Variants in CNOT1 observed in about 807,000 individuals in gnomAD.
CNOT1 encodes CCR4-associated factor 1.
A neutral mutation model predicts 273.8 loss-of-function variants in CNOT1; 15 were observed. That is an observed-to-expected ratio of 0.05 (90% CI 0.04 to 0.08). The LOEUF (loss-of-function observed/expected upper bound fraction) is 0.08. CNOT1 is among the 10% of genes least tolerant of loss of function. The pLI is 1.00. For synonymous variants in CNOT1, 1,022 were observed against 1,005.5 expected (o/e 1.02, Z -0.31); for missense variants, 1,644 against 2,912.2 (o/e 0.56, Z 10.02).
In CNOT1 at chr16:58,546,789, C is replaced by T. The variant is rs757567301; in HGVS notation, c.3751-40G>A. 1.7e-5 allele frequency: 28 copies of T among 1,611,634 alleles called. No homozygotes were observed. In the Admixed American group the frequency reaches 3.8e-4, roughly 22 times the overall value. ...TTATGTTAAGCTGGCCCAAAATGTGCCCTTTAATTTGGATTATTTAAAACA... is the reference window on the plus strand; with the variant it reads ...TTATGTTAAGCTGGCCCAAAATGTGTCCTTTAATTTGGATTATTTAAAACA... On this transcript the variant is annotated intron_variant, in intron 27 of 48. Transcript: ENST00000317147.
Position 58,626,103 on chromosome 16 carries a change from T to C in CNOT1, c.-175+3625A>G, listed in dbSNP as rs1034171817. Among the ~76,000 whole-genome samples the C allele has an allele frequency of 2.0e-5, 3 of 152,146 alleles. No individual in the cohort carries two copies. The East Asian group carries it at 5.8e-4, about 29-fold the overall frequency. On this transcript the variant is annotated intron_variant, in intron 1 of 48. Coordinates refer to ENST00000317147, the MANE Select transcript of CNOT1 (RefSeq NM_016284.5). ...TATATGACTTGAAAGTCTTTTCTTT[T>C]ATAAAAGTATATACCAAGTTCAGGC... is the stretch of plus-strand genomic sequence containing the variant.
intron 1 of CNOT1, among the ~76,000 whole-genome samples, chr16:58,624,254 ACTG>A (rs1242681593): frequency 6.6e-6 from 1 of 152,182 alleles, no homozygotes; most frequent in African/African-American, 2.4e-5. Flanking sequence ...TGTGGTGTCC[ACTG>A]CTGAATAGCT....
intron 3 of CNOT1, 107 bp downstream of exon 3, chr16:58,588,691 AT>A (rs869086675): frequency 1.5e-6 from 2 of 1,310,850 alleles, no homozygotes; most frequent in East Asian, 2.6e-5. Context: ...TCCAGCTACA[AT>A]CACTTCCGGA....
At chr16:58,618,625 T>C (rs1215024070) in intron 1 of CNOT1, among the ~76,000 whole-genome samples, 1 of 148,910 alleles carries the variant, frequency 6.7e-6, no homozygotes, top group Non-Finnish European at 1.5e-5. Context: ...CACTCCAGCC[T>C]GGGCGACACA....
At chr16:58,619,990 T>A (rs953504650) in intron 1 of CNOT1, among the ~76,000 whole-genome samples, 1 of 152,114 alleles carries the variant, frequency 6.6e-6, no homozygotes, top group African/African-American at 2.4e-5. Context: ...ACCTACATAA[T>A]GAACCACCAC....
intron 1 of CNOT1, among the ~76,000 whole-genome samples, chr16:58,610,913 T>G (rs2042875584): frequency 6.6e-6 from 1 of 152,006 alleles, no homozygotes; most frequent in African/African-American, 2.4e-5. Flanking sequence ...GGCAGGCACC[T>G]GTAGCCCCAG....
chr16:58,613,018 T>A (rs2042951909), intron 1 of CNOT1, among the ~76,000 whole-genome samples: 1 of 152,076 alleles, frequency 6.6e-6, no homozygotes, highest in Admixed American at 6.6e-5. Flanking sequence ...AGCATAATTT[T>A]GAAGATACTG....
At chr16:58,559,435 G>T (rs2040754752) in intron 17 of CNOT1, among the ~76,000 whole-genome samples, 1 of 152,128 alleles carries the variant, frequency 6.6e-6, no homozygotes, top group Non-Finnish European at 1.5e-5. Context: ...ATAAATAAAA[G>T]TATTAGAAAT....
intron 13 of CNOT1, among the ~76,000 whole-genome samples, chr16:58,578,052 G>A (rs944402096): frequency 6.6e-6 from 1 of 152,192 alleles, no homozygotes; most frequent in Non-Finnish European, 1.5e-5. Context: ...CTCATTTCTT[G>A]TGAACATATG....
intron 40 of CNOT1, chr16:58,533,239 T>A (rs1461736961): frequency 6.6e-6 from 1 of 152,168 alleles, no homozygotes; most frequent in African/African-American, 2.4e-5. Context: ...CTCAATAGGG[T>A]TAAGAACCAC....
In CNOT1 at chr16:58,527,033, C is replaced by A. The variant is rs187135295; in HGVS notation, c.6454-895G>T. Among the ~76,000 whole-genome samples the A allele has an allele frequency of 4.8e-3, 730 of 151,848 alleles. 10 individuals carry two copies. Among genetic ancestry groups the A allele is most frequent in the African/African-American group, 0.017 (689 of 41,220 alleles). On this transcript the variant is annotated intron_variant, in intron 44 of 48. Transcript: ENST00000317147. ...CTTCAGCCTGGGCAAAACAACGAGA[C>A]CCCTGTCTCTTAAACAAACTATAGT... is the stretch of plus-strand genomic sequence containing the variant.
Position 58,542,218 on chromosome 16 carries a change from C to A in CNOT1, c.4680+13G>T, listed in dbSNP as rs577820054. ...AAAGATGGGACGGGGAAAGACAGAG[C>A]CCCAATTCTCACTTTCAGCCTGATT... is the stretch of plus-strand genomic sequence containing the variant. On this transcript the variant is annotated intron_variant, in intron 33 of 48. Transcript: ENST00000317147. 17 of 1,612,944 alleles carry A rather than the reference C, an allele frequency of 1.1e-5. No homozygotes were observed. The African/African-American group carries it at 1.9e-4, about 18-fold the overall frequency.
intron 1 of CNOT1, among the ~76,000 whole-genome samples, chr16:58,608,167 C>G (rs1247507026): frequency 6.6e-6 from 1 of 151,816 alleles, no homozygotes; most frequent in Admixed American, 6.6e-5. Flanking sequence ...CAGAGCTAGA[C>G]TCTTGTCTCA....
chr16:58,554,286 C>T (rs1456811560), intron 21 of CNOT1, among the ~76,000 whole-genome samples: 3 of 151,682 alleles, frequency 2.0e-5, no homozygotes, highest in South Asian at 4.1e-4. Flanking sequence ...GTGTAAATGG[C>T]ATTCTAGAAA....
At chr16:58,526,351 T>C (rs2039579181) in intron 44 of CNOT1, among the ~76,000 whole-genome samples, 1 of 151,896 alleles carries the variant, frequency 6.6e-6, no homozygotes, top group African/African-American at 2.4e-5. Context: ...TGTATTTCCT[T>C]CCCAGAGGCA....
intron 5 of CNOT1, 24 bp downstream of exon 5, chr16:58,587,321 C>G: frequency 6.2e-7 from 1 of 1,613,798 alleles, no homozygotes; most frequent in Non-Finnish European, 8.5e-7. Flanking sequence ...GTTTTGTCTA[C>G]ATCTCTTTTC....
chr16:58,532,325 G>A lies in CNOT1; in HGVS notation c.5966C>T (p.Pro1989Leu). 1 of 1,614,188 alleles carries A rather than the reference G, an allele frequency of 6.2e-7. No individual in the cohort carries two copies. Among genetic ancestry groups the A allele is most frequent in the African/African-American group, 1.3e-5 (1 of 75,048 alleles). The change falls in exon 41 of 49, where the codon CCC (proline) becomes CTC (leucine). Residue 1989 changes from proline (P) to leucine (L), a missense_variant. Coordinates refer to ENST00000317147, the MANE Select transcript of CNOT1 (RefSeq NM_016284.5). ...DVRQSEFQQL[P>L]YHRIFIMLLL... ...AAGCATGATAAAAATTCGATGGTAG[G>A]GAAGTTGCTGAAATTCACTCTGACG... is the stretch of plus-strand genomic sequence containing the variant.
At chr16:58,529,938 A>T (rs1302457280) in intron 43 of CNOT1, among the ~76,000 whole-genome samples, 1 of 152,068 alleles carries the variant, frequency 6.6e-6, no homozygotes, top group Non-Finnish European at 1.5e-5. Flanking sequence ...AAATGGTTAA[A>T]ATGAAAAACA....
At chr16:58,607,247 T>C (rs1957150086) in intron 1 of CNOT1, among the ~76,000 whole-genome samples, 1 of 152,184 alleles carries the variant, frequency 6.6e-6, no homozygotes, top group East Asian at 1.9e-4. Context: ...ACCGCAGCAG[T>C]ATATGTCAGA....
Sources: gnomAD v4.1 joint callset for allele counts (sites outside exome capture counted in the v4.1 genomes callset) on GRCh38, gnomAD v4.1.1 for gene constraint, MANE v1.5 for transcripts, NCBI Gene and HGNC (gene_info 2026-07-23, HGNC 2026-07-21) for gene names.